Variants in CCDC77 observed in about 807,000 individuals in gnomAD.
CCDC77 encodes coiled-coil domain-containing protein 77.
In CCDC77, 56 loss-of-function variants were observed where a neutral mutation model predicts 66.8. The ratio of observed to expected loss-of-function variants is 0.84; its 90% CI spans 0.68 to 1.05. The LOEUF is 1.05. Ranked by LOEUF, CCDC77 falls within the 50% of genes least tolerant of loss-of-function variation. The probability of loss-of-function intolerance (pLI) is 0.00; values close to 1 mark genes in which losing one functional copy is unlikely to be tolerated. For missense variants in CCDC77, 570 were observed against 576.8 expected, an observed-to-expected ratio of 0.99 and a Z score of 0.12; for synonymous variants, 196 against 195.2, an observed-to-expected ratio of 1.00 and a Z score of -0.03.
At chr12:416,394 T>TAC (rs1178331296) in intron 4 of CCDC77, among the ~76,000 whole-genome samples, 7 of 54,646 alleles carry the variant, frequency 1.3e-4, no homozygotes, top group East Asian at 1.7e-3. Context: ...TATATATATA[T>TAC]ATATATATAT....
intron 1 of CCDC77, among the ~76,000 whole-genome samples, chr12:391,056 A>G (rs1944746115): frequency 6.6e-6 from 1 of 152,234 alleles, no homozygotes; most frequent in Admixed American, 6.5e-5. Flanking sequence ...AGATTCAAGA[A>G]GTGGGAAAAT....
exon 1 of CCDC77, chr12:389,365 C>T (rs1423693502): frequency 1.7e-6 from 1 of 604,352 alleles, no homozygotes; most frequent in South Asian, 1.8e-5. Context: ...TCCGCAGCTG[C>T]ACGACGCCTG....
At position 435,698 on chromosome 12, in the gene CCDC77, G is replaced by A. The variant is rs183857967; in HGVS notation, c.821+2376G>A. The stretch of plus-strand genomic sequence containing the variant: ...TGTAGTCCTTCTAATCATATAACCC[G>A]AAGTTAGCACTCAGGAAAATATCTC... On this transcript the variant is annotated intron_variant, in intron 9 of 12. Coordinates refer to ENST00000239830, the MANE Select transcript of CCDC77 (RefSeq NM_032358.4). Among the ~76,000 whole-genome samples, 24 of 152,200 alleles carry A rather than the reference G, an allele frequency of 1.6e-4. No individual in the cohort carries two copies. The East Asian group carries it at 2.5e-3, about 16-fold the overall frequency.
At chr12:395,560 CAA>C (rs906939031) in intron 1 of CCDC77, among the ~76,000 whole-genome samples, 5 of 150,616 alleles carry the variant, frequency 3.3e-5, no homozygotes, top group African/African-American at 1.2e-4. Flanking sequence ...GAAAAAAAAA[CAA>C]TAAAAATAAT....
chr12:437,872 T>C (rs1387035262), intron 9 of CCDC77, among the ~76,000 whole-genome samples: 1 of 151,990 alleles, frequency 6.6e-6, no homozygotes, highest in Non-Finnish European at 1.5e-5. Context: ...AAAAGTTCTT[T>C]TTAAAATAAA....
chr12:419,681 AAAT>A, intron 5 of CCDC77, among the ~76,000 whole-genome samples: 2 of 54,742 alleles, frequency 3.7e-5, no homozygotes, highest in African/African-American at 1.3e-4. Context: ...TGAGAGGGTA[AAAT>A]ACACATAGCA....
At chr12:436,115 CTT>C (rs1181059309) in intron 9 of CCDC77, among the ~76,000 whole-genome samples, 1,657 of 106,016 alleles carry the variant, frequency 0.016, 9 homozygotes, top group South Asian at 0.046. Context: ...GATCCTTTGT[CTT>C]TTTTTTTTTT....
chr12:415,093 G>A (rs1945199252), intron 4 of CCDC77, among the ~76,000 whole-genome samples: 1 of 152,002 alleles, frequency 6.6e-6, no homozygotes, highest in African/African-American at 2.4e-5. Context: ...CTGGTTGCCA[G>A]ATGGCAGTGA....
chr12:413,233 C>T (rs1166312037), intron 4 of CCDC77, among the ~76,000 whole-genome samples: 2 of 143,192 alleles, frequency 1.4e-5, no homozygotes, highest in Non-Finnish European at 3.0e-5. Flanking sequence ...CAACCGTGCC[C>T]GGCCTGTTTT....
At chr12:433,361 T>G in intron 9 of CCDC77, 39 bp downstream of exon 9, 1 of 1,602,614 alleles carries the variant, frequency 6.2e-7, no homozygotes, top group Non-Finnish European at 8.5e-7. Context: ...GGGTATTGTA[T>G]TTTTCTGAGT....
Position 409,417 on chromosome 12 carries a change from A to G in CCDC77, c.34A>G (p.Arg12Gly). Reference sequence around the variant, plus strand: ...TACCCCAACACACACCCCTGTCTGCAGAAAGTAAGACATTTGCTTATTTTC... The same window carrying G: ...TACCCCAACACACACCCCTGTCTGCGGAAAGTAAGACATTTGCTTATTTTC... ...NFTPTHTPVC[R>G]KRTVVSKRGV... The change falls in exon 3 of 13, where the codon AGA becomes GGA. Residue 12 changes from arginine to glycine, a missense_variant. Arg to Gly is a moderately radical substitution (Grantham distance 125). Coordinates refer to ENST00000239830, the MANE Select transcript of CCDC77 (RefSeq NM_032358.4). 1.9e-6 allele frequency: 3 copies of G among 1,613,254 alleles called. No individual in the cohort carries two copies. Among genetic ancestry groups the G allele is most frequent in the Non-Finnish European group, 2.5e-6 (3 of 1,179,682 alleles).
chr12:390,120 C>CAAAAA (rs11330348), intron 1 of CCDC77: 13 of 73,378 alleles, frequency 1.8e-4, no homozygotes, highest in Middle Eastern at 7.2e-3. Context: ...GTTGCCTGAG[C>CAAAAA]AAAAAAAAAA....
chr12:404,721 C>CTTT (rs141950603), intron 1 of CCDC77, among the ~76,000 whole-genome samples: 13 of 137,592 alleles, frequency 9.4e-5, no homozygotes, highest in African/African-American at 2.4e-4. Flanking sequence ...CTTCAAATTA[C>CTTT]TTTTTTTTTT....
At chr12:398,275 T>C (rs1591954573), upstream of CCDC77, among the ~76,000 whole-genome samples, 1 of 152,238 alleles carries the variant, frequency 6.6e-6, no homozygotes, top group Non-Finnish European at 1.5e-5. Flanking sequence ...ACTAAGTTTA[T>C]GGAATATTCT....
intron 6 of CCDC77, 23 bp from the exon 7 acceptor site, chr12:430,641 A>C (rs922414289): frequency 6.3e-7 from 1 of 1,583,808 alleles, no homozygotes; most frequent in African/African-American, 1.3e-5. Context: ...AGGCTACTTC[A>C]ATACCAGTTT....
chr12:416,216 C>T (rs116455233), intron 4 of CCDC77, among the ~76,000 whole-genome samples: 238 of 150,842 alleles, frequency 1.6e-3, no homozygotes, highest in African/African-American at 5.3e-3. Context: ...GTTGGGATTA[C>T]GGGCGTGAGT....
At chr12:401,299 T>C (rs929108492), upstream of CCDC77, among the ~76,000 whole-genome samples, 2 of 152,132 alleles carry the variant, frequency 1.3e-5, no homozygotes, top group Non-Finnish European at 2.9e-5. Context: ...AACATATATG[T>C]ACCATGAACG....
intron 10 of CCDC77, among the ~76,000 whole-genome samples, chr12:439,562 C>T (rs1168919997): frequency 1.3e-5 from 2 of 149,886 alleles, no homozygotes; most frequent in East Asian, 1.9e-4. Context: ...GGGTGGATCA[C>T]GAGGTCAGGA....
At chr12:415,576 TA>T (rs1256730791) in intron 4 of CCDC77, among the ~76,000 whole-genome samples, 2 of 147,352 alleles carry the variant, frequency 1.4e-5, no homozygotes, top group South Asian at 2.1e-4. Flanking sequence ...AATATGTTAA[TA>T]AAAATGTAAT....
Sources: allele counts gnomAD v4.1 joint callset (sites outside exome capture counted in the v4.1 genomes callset), GRCh38; gene constraint gnomAD v4.1.1; transcripts MANE v1.5; gene names NCBI Gene and HGNC (gene_info 2026-07-23, HGNC 2026-07-21).